Variants in PRUNE2 observed in about 807,000 individuals in gnomAD.
PRUNE2 encodes protein prune homolog 2.
In PRUNE2, 164 loss-of-function variants were observed where a neutral mutation model predicts 252.0. That is an observed-to-expected ratio of 0.65 (90% CI 0.57 to 0.74). The LOEUF (loss-of-function observed/expected upper bound fraction) is 0.74. Among genes scored for constraint, PRUNE2 ranks in the 30% least tolerant of loss-of-function variants. PRUNE2 has a pLI of 0.00. For synonymous variants in PRUNE2, 1,292 were observed against 1,350.2 expected (o/e 0.96, Z 0.94); for missense variants, 3,495 against 3,711.0 (o/e 0.94, Z 1.51).
chr9:76,859,695 T>C (rs1053891521), intron 1 of PRUNE2, among the ~76,000 whole-genome samples: 2 of 148,488 alleles, frequency 1.3e-5, no homozygotes, highest in Non-Finnish European at 3.0e-5. Context: ...GCTTGTTTGT[T>C]TGTTTGTTTG....
chr9:76,739,036 A>G (rs542623636), intron 6 of PRUNE2: 1 of 152,242 alleles, frequency 6.6e-6, no homozygotes, highest in East Asian at 1.9e-4. Flanking sequence ...TTGGAATCCA[A>G]TTTTATAAGA....
chr9:76,845,035 A>T (rs1268108237), intron 4 of PRUNE2, among the ~76,000 whole-genome samples: 2 of 150,278 alleles, frequency 1.3e-5, no homozygotes, highest in Non-Finnish European at 3.0e-5. Context: ...AAGCAAAAAA[A>T]TTTAAAGAGA....
At chr9:76,666,634 C>A (rs986594136) in intron 9 of PRUNE2, among the ~76,000 whole-genome samples, 1 of 152,146 alleles carries the variant, frequency 6.6e-6, no homozygotes, top group Admixed American at 6.5e-5. Context: ...GACTCACACT[C>A]CTTATCCTGC....
rs1479921525 is a variant in PRUNE2 at position 76,768,577 on chromosome 9, ATATGTATGTGTGTGTGTG to A, written c.757-54874_757-54857del. ...TATCTTTGGGTTGATATATATATGT[ATATGTATGTGTGTGTGTG>A]TGTGTGTGTGTGTGTGTGTGTGTGT... is the stretch of plus-strand genomic sequence containing the variant. On this transcript the variant is annotated intron_variant, in intron 6 of 18. Transcript: ENST00000376718. Among the ~76,000 whole-genome samples the A allele has an allele frequency of 4.2e-3, 414 of 98,188 alleles. 3 individuals carry two copies. Among genetic ancestry groups the A allele is most frequent in the South Asian group, 0.019 (42 of 2,202 alleles). 64.4% of individuals were successfully genotyped at this position (98,188 alleles called of 152,430 possible).
intron 6 of PRUNE2, among the ~76,000 whole-genome samples, chr9:76,774,116 T>G (rs1169097295): frequency 6.6e-6 from 1 of 152,138 alleles, no homozygotes; most frequent in East Asian, 1.9e-4. Context: ...ATAGGTTTGA[T>G]TCTTTTTTAT....
chr9:76,612,685 A>G lies in PRUNE2; in HGVS notation c.*1885T>C, dbSNP rs888754632. ...TTCAACAAGATACTCGCTTGAAAGG[A>G]TCAAGAGGAGAAAAGAGAAAACGAT... is the stretch of plus-strand genomic sequence containing the variant. On this transcript the variant is annotated 3_prime_UTR_variant, in exon 19 of 19. Transcript: ENST00000376718. The G allele has an allele frequency of 1.3e-5, 2 of 152,258 alleles. No individual in the cohort carries two copies. The highest frequency in any genetic ancestry group is 4.8e-5 in the African/African-American group (2 of 41,410). 9.4% of individuals were successfully genotyped at this position (152,258 alleles called of 1,614,324 possible). A position where few individuals can be genotyped will look rare whatever the true frequency, so the allele number is the denominator to read the frequency against.
At chr9:76,879,878 C>CATATATATATATAT (rs1391636538) in intron 1 of PRUNE2, among the ~76,000 whole-genome samples, 2 of 75,374 alleles carry the variant, frequency 2.7e-5, no homozygotes, top group African/African-American at 1.4e-4. Flanking sequence ...AGAGGCCTGT[C>CATATATATATATAT]ATATATATAT....
chr9:76,808,895 A>G (rs1188115007), intron 6 of PRUNE2: 1 of 152,162 alleles, frequency 6.6e-6, no homozygotes, highest in Non-Finnish European at 1.5e-5. Flanking sequence ...GAGTCAACCC[A>G]CCAGGTTTCC....
intron 1 of PRUNE2, among the ~76,000 whole-genome samples, chr9:76,876,259 T>C (rs1244221913): frequency 6.6e-6 from 1 of 152,224 alleles, no homozygotes; most frequent in African/African-American, 2.4e-5. Flanking sequence ...TTGACTCAAG[T>C]GAATTACAGA....
intron 10 of PRUNE2, among the ~76,000 whole-genome samples, chr9:76,654,718 A>T (rs1848602110): frequency 6.6e-6 from 1 of 152,226 alleles, no homozygotes; most frequent in Admixed American, 6.5e-5. Context: ...TACCAAGCAT[A>T]TTTGGCCATA....
intron 4 of PRUNE2, among the ~76,000 whole-genome samples, chr9:76,836,624 A>G (rs1200971521): frequency 6.6e-6 from 1 of 152,152 alleles, no homozygotes; most frequent in Non-Finnish European, 1.5e-5. Context: ...GATACTAATG[A>G]TTTGTTTCCT....
intron 1 of PRUNE2, among the ~76,000 whole-genome samples, chr9:76,893,117 T>A (rs145082625): frequency 6.6e-6 from 1 of 152,180 alleles, no homozygotes; most frequent in Non-Finnish European, 1.5e-5. Flanking sequence ...TGGTGGCACA[T>A]GCCTGTAGTC....
At chr9:76,885,073 T>C (rs986675143) in intron 1 of PRUNE2, among the ~76,000 whole-genome samples, 2 of 152,186 alleles carry the variant, frequency 1.3e-5, no homozygotes, top group African/African-American at 4.8e-5. Context: ...ATAGAGGTTA[T>C]TTACCCAAAG....
intron 6 of PRUNE2, among the ~76,000 whole-genome samples, chr9:76,767,365 A>T (rs674941): frequency 1.3e-4 from 20 of 151,622 alleles, no homozygotes; most frequent in African/African-American, 4.6e-4. Context: ...GCAGGAGAAT[A>T]GCTTGAACTC....
Position 76,704,805 on chromosome 9 carries a change from T to C in PRUNE2, c.7469A>G (p.Asp2490Gly). 6.3e-7 allele frequency: 1 copy of C among 1,579,824 alleles called. No homozygotes were observed. The highest frequency in any genetic ancestry group is 8.6e-7 in the Non-Finnish European group (1 of 1,161,030). The change falls in exon 8 of 19, where the codon GAT (aspartate) becomes GGT (glycine). Residue 2490 changes from aspartate to glycine, a missense_variant. Asp to Gly is a moderately conservative substitution (Grantham distance 94). Coordinates refer to ENST00000376718, the MANE Select transcript of PRUNE2 (RefSeq NM_015225.3). Reference sequence around the variant, plus strand: ...TCCACCTGCTGGTAAATCAGAATTATCTGTTTCTACTTCCCAGTCAACGTT... The same window carrying C: ...TCCACCTGCTGGTAAATCAGAATTACCTGTTTCTACTTCCCAGTCAACGTT... ...PSNVDWEVET[D>G]NSDLPAGGDI... is the part of the protein sequence containing the mutation.
chr9:76,811,442 CAAAA>C lies in PRUNE2; in HGVS notation c.756+12186_756+12189del, dbSNP rs1564355893. ...TATGGGATGACTAAAATGACTAGAA[CAAAA>C]GTCTACCAATGACTTTTCCAGATAC... On this transcript the variant is annotated intron_variant, in intron 6 of 18. Coordinates refer to ENST00000376718, the MANE Select transcript of PRUNE2 (RefSeq NM_015225.3). Among the ~76,000 whole-genome samples, 3 of 152,206 alleles carry C rather than the reference CAAAA, an allele frequency of 2.0e-5. No homozygotes were observed. In the South Asian group the frequency reaches 6.2e-4, roughly 32 times the overall value.
At chr9:76,837,932 C>T (rs1031958699) in intron 4 of PRUNE2, among the ~76,000 whole-genome samples, 7 of 151,748 alleles carry the variant, frequency 4.6e-5, no homozygotes, top group African/African-American at 7.3e-5. Context: ...CCACCACGCC[C>T]AGCTAATTTT....
intron 12 of PRUNE2, among the ~76,000 whole-genome samples, chr9:76,638,686 C>A (rs1841216770): frequency 6.6e-6 from 1 of 152,164 alleles, no homozygotes; most frequent in African/African-American, 2.4e-5. Context: ...GCACTTCTTT[C>A]TTCTGATGGC....
chr9:76,837,452 ATAATAAT>A (rs2059078249), intron 4 of PRUNE2, among the ~76,000 whole-genome samples: 1 of 63,692 alleles, frequency 1.6e-5, no homozygotes, highest in East Asian at 5.8e-4. Flanking sequence ...AATAATAATA[ATAATAAT>A]AATAATAATA....
Sources: gnomAD v4.1 joint callset for allele counts (sites outside exome capture counted in the v4.1 genomes callset) on GRCh38, gnomAD v4.1.1 for gene constraint, MANE v1.5 for transcripts, NCBI Gene and HGNC (gene_info 2026-07-23, HGNC 2026-07-21) for gene names.